SNX29: variants seen among roughly 807,000 people sequenced by gnomAD.
SNX29 encodes the protein sorting nexin 29, also known as sorting nexin-29.
Under a neutral mutation model 102.1 loss-of-function variants are expected in SNX29, and 78 were observed. The ratio of observed to expected loss-of-function variants is 0.76; its 90% CI spans 0.64 to 0.92. The LOEUF is 0.92. Among genes scored for constraint, SNX29 ranks in the 40% least tolerant of loss-of-function variants. The pLI is 0.00. For synonymous variants in SNX29, 580 were observed against 414.5 expected (o/e 1.40, Z -4.85); for missense variants, 1,280 against 1,061.7 (o/e 1.21, Z -2.86).
intron 3 of SNX29, among the ~76,000 whole-genome samples, chr16:12,012,292 G>C (rs2056680200): frequency 6.6e-6 from 1 of 151,190 alleles, no homozygotes; most frequent in Middle Eastern, 3.2e-3. Context: ...GGGCAAAGTG[G>C]TGGGGTGCAT....
chr16:12,545,852 CTCCTT>C (rs1033927003), intron 20 of SNX29, among the ~76,000 whole-genome samples: 3 of 152,154 alleles, frequency 2.0e-5, no homozygotes, highest in African/African-American at 7.2e-5. Context: ...CAGATCACCT[CTCCTT>C]GAGAGGGTGA....
At chr16:12,456,689 C>T (rs886165620) in intron 18 of SNX29, among the ~76,000 whole-genome samples, 1 of 151,676 alleles carries the variant, frequency 6.6e-6, no homozygotes, top group African/African-American at 2.4e-5. Context: ...TGTGTGCACC[C>T]GGTAGCATGT....
intron 16 of SNX29, among the ~76,000 whole-genome samples, chr16:12,386,287 G>A (rs577528823): frequency 6.6e-6 from 1 of 152,304 alleles, no homozygotes; most frequent in African/African-American, 2.4e-5. Context: ...CACACTTGCC[G>A]AGAGCCCTGG....
In SNX29 at chr16:12,538,931, G is replaced by A. The variant is rs368655078; in HGVS notation, c.2318+14090G>A. Among the ~76,000 whole-genome samples, 23 of 152,128 alleles carry A rather than the reference G, an allele frequency of 1.5e-4. No individual in the cohort carries two copies. The East Asian group carries it at 1.5e-3, about 10-fold the overall frequency. ...TCTAAGTGGGAGAAAGGGTGGCTGT[G>A]GGCATGTAGCAGTGCTGTGAAATGC... On this transcript the variant is annotated intron_variant, in intron 20 of 20. Transcript: ENST00000566228.
chr16:12,068,525 G>A (rs1399045991), intron 9 of SNX29, among the ~76,000 whole-genome samples: 2 of 146,098 alleles, frequency 1.4e-5, no homozygotes, highest in Non-Finnish European at 3.0e-5. Context: ...AAAAGTCACA[G>A]GTTAAGGGGA....
intron 15 of SNX29, among the ~76,000 whole-genome samples, chr16:12,344,126 C>G (rs2081701096): frequency 6.6e-6 from 1 of 152,204 alleles, no homozygotes; most frequent in Admixed American, 6.5e-5. Context: ...TGCCTTTCGC[C>G]TTCTGCCAGA....
chr16:12,124,938 T>C (rs2054139497), intron 11 of SNX29, among the ~76,000 whole-genome samples: 1 of 152,186 alleles, frequency 6.6e-6, no homozygotes, highest in Non-Finnish European at 1.5e-5. Flanking sequence ...AGCGCTGCTC[T>C]GTTTCACTCG....
At chr16:12,274,226 G>A (rs1297133167) in intron 14 of SNX29, among the ~76,000 whole-genome samples, 4 of 152,286 alleles carry the variant, frequency 2.6e-5, no homozygotes, top group African/African-American at 9.6e-5. Context: ...TGTTGAAGAG[G>A]TTTCTTCATT....
chr16:12,563,508 C>A (rs67654391), intron 20 of SNX29, among the ~76,000 whole-genome samples: 39,594 of 152,076 alleles, frequency 0.26, 5,728 homozygotes, highest in East Asian at 0.43. Context: ...GGGGAGACTC[C>A]TCCCCGCATG....
rs1463665876 is a variant in SNX29, at chr16:12,572,667, C to T, written c.*4038C>T. ...CACCAAGCTCCTGTGTGAGCTGCAG[C>T]ACCCACACGGGGGAAGCCCTGCACT... On this transcript the variant is annotated 3_prime_UTR_variant, in exon 21 of 21. Coordinates refer to ENST00000566228, the MANE Select transcript of SNX29 (RefSeq NM_032167.5). The T allele has an allele frequency of 4.1e-5, 44 of 1,063,848 alleles. No individual in the cohort carries two copies. Among genetic ancestry groups the T allele is most frequent in the Non-Finnish European group, 4.8e-5 (42 of 878,438 alleles). The allele number at this position is 1,063,848 out of a possible 1,614,324, so 65.9% of individuals were successfully genotyped here.
intron 10 of SNX29, among the ~76,000 whole-genome samples, chr16:12,071,925 T>C (rs376730321): frequency 6.6e-6 from 1 of 152,210 alleles, no homozygotes; most frequent in Non-Finnish European, 1.5e-5. Flanking sequence ...TTTATTCTCT[T>C]TGAAGCAATT....
intron 20 of SNX29, chr16:12,526,751 G>A (rs2076794584): frequency 2.3e-6 from 1 of 438,750 alleles, no homozygotes; most frequent in African/African-American, 2.0e-5. Context: ...TGAGCAGGAG[G>A]CGCTGCCCCA....
chr16:12,379,068 G>A (rs1432626952), intron 16 of SNX29, among the ~76,000 whole-genome samples: 2 of 152,178 alleles, frequency 1.3e-5, no homozygotes, highest in Non-Finnish European at 2.9e-5. Context: ...GGAGAGTGGA[G>A]GTGGGGGCAG....
At chr16:12,126,030 T>C (rs2054201016) in intron 11 of SNX29, among the ~76,000 whole-genome samples, 1 of 152,170 alleles carries the variant, frequency 6.6e-6, no homozygotes, top group African/African-American at 2.4e-5. Context: ...AAAATTCTAC[T>C]ATCTAGTCTG....
chr16:12,508,610 A>C (rs990794371), intron 19 of SNX29, among the ~76,000 whole-genome samples: 1 of 152,194 alleles, frequency 6.6e-6, no homozygotes, highest in African/African-American at 2.4e-5. Flanking sequence ...TCCTGCTCTC[A>C]AAGGGCTGTG....
At chr16:12,542,759 C>CT (rs36004047) in intron 20 of SNX29, among the ~76,000 whole-genome samples, 2,455 of 144,714 alleles carry the variant, frequency 0.017, 23 homozygotes, top group African/African-American at 0.034. Flanking sequence ...CTATCACTGC[C>CT]TTTTTTTTTT....
rs746197813 is a variant in SNX29 at position 12,052,204 on chromosome 16, A to T, written c.1106A>T (p.His369Leu). 34 of 1,613,824 alleles carry T rather than the reference A, an allele frequency of 2.1e-5. No homozygotes were observed. Among genetic ancestry groups the T allele is most frequent in the South Asian group, 4.4e-5 (4 of 91,042 alleles). ...TCATCAGGAAGGAAGCACAGGGGCC[A>T]CTCGGAGTCGCCCGAGAAGTAAGTT... The part of the protein sequence containing the change: ...GNSSGRKHRG[H>L]SESPEKPLEG... The change falls in exon 8 of 21, where the codon CAC becomes CTC. Residue 369 changes from histidine (H) to leucine (L), a missense_variant. Coordinates refer to ENST00000566228, the MANE Select transcript of SNX29 (RefSeq NM_032167.5).
At chr16:12,346,784 C>G (rs907406209) in intron 15 of SNX29, among the ~76,000 whole-genome samples, 2 of 152,160 alleles carry the variant, frequency 1.3e-5, no homozygotes, top group Non-Finnish European at 2.9e-5. Context: ...TGGATTCTGC[C>G]TTGGCTCTTG....
chr16:12,421,375 G>A (rs1453618978), intron 18 of SNX29, among the ~76,000 whole-genome samples: 2 of 152,208 alleles, frequency 1.3e-5, no homozygotes, highest in African/African-American at 4.8e-5. Context: ...CTCAAAGGAG[G>A]TTTGGAGACC....
Sources: allele counts gnomAD v4.1 joint callset (sites outside exome capture counted in the v4.1 genomes callset), GRCh38; gene constraint gnomAD v4.1.1; transcripts MANE v1.5; gene names NCBI Gene and HGNC (gene_info 2026-07-23, HGNC 2026-07-21).